The following TRPM7 variants were observed in gnomAD, a reference collection of about 807,000 sequenced individuals.
The protein encoded by TRPM7 is transient receptor potential cation channel subfamily M member 7.
In TRPM7, 134 loss-of-function variants were observed where a neutral mutation model predicts 229.7. The observed-to-expected ratio is 0.58, with a 90% CI of 0.51 to 0.67. The LOEUF (loss-of-function observed/expected upper bound fraction) is 0.67, where lower values mean the gene tolerates loss of function less well. Among genes scored for constraint, TRPM7 ranks in the 30% least tolerant of loss-of-function variants. TRPM7 has a pLI of 0.00. For synonymous variants in TRPM7, 699 were observed against 715.2 expected (o/e 0.98, Z 0.36); for missense variants, 1,901 against 2,210.0 (o/e 0.86, Z 2.80).
intron 2 of TRPM7, among the ~76,000 whole-genome samples, chr15:50,658,717 T>C (rs1377983421): frequency 6.6e-6 from 1 of 152,236 alleles, no homozygotes; most frequent in African/African-American, 2.4e-5. Flanking sequence ...ACACACTAAT[T>C]CCAGTTCTAA....
intron 1 of TRPM7, among the ~76,000 whole-genome samples, chr15:50,679,457 T>C (rs2062178801): frequency 7.3e-6 from 1 of 137,568 alleles, no homozygotes; most frequent in South Asian, 2.1e-4. Flanking sequence ...GATAGGTTTC[T>C]ACAGGTTTTA....
intron 13 of TRPM7, among the ~76,000 whole-genome samples, chr15:50,619,225 T>TC (rs202084853): frequency 0.016 from 2,059 of 124,920 alleles, 44 homozygotes; most frequent in African/African-American, 0.053. Flanking sequence ...TTTTTTTTCT[T>TC]TTTTTTTTTT....
chr15:50,640,446 T>C (rs1489597985), intron 5 of TRPM7, among the ~76,000 whole-genome samples: 1 of 146,100 alleles, frequency 6.8e-6, no homozygotes, highest in South Asian at 2.2e-4. Context: ...CGGGGTAATT[T>C]TTTTTTCTTT....
rs569546441 is a variant in TRPM7 at position 50,683,712 on chromosome 15, T to C, written c.3+2819A>G. On this transcript the variant is annotated intron_variant, in intron 1 of 38. Coordinates refer to ENST00000646667, the MANE Select transcript of TRPM7 (RefSeq NM_017672.6). The stretch of plus-strand genomic sequence containing the variant: ...CCAGCCTGGGTGACAAGAGCAAGAC[T>C]CTGTTCCAAAAAAAACAAAATAAAA... Among the ~76,000 whole-genome samples the C allele has an allele frequency of 2.0e-5, 3 of 151,848 alleles. No individual in the cohort carries two copies. In the East Asian group the frequency reaches 5.8e-4, roughly 29 times the overall value.
intron 25 of TRPM7, among the ~76,000 whole-genome samples, chr15:50,593,256 T>C (rs2059550808): frequency 6.6e-6 from 1 of 151,804 alleles, no homozygotes; most frequent in East Asian, 1.9e-4. Flanking sequence ...GCCACTGTAC[T>C]CCAGCCGGGG....
At chr15:50,583,626 G>C (rs1436472693) in intron 28 of TRPM7, among the ~76,000 whole-genome samples, 1 of 150,196 alleles carries the variant, frequency 6.7e-6, no homozygotes, top group Non-Finnish European at 1.5e-5. Context: ...GCCCAGGCTG[G>C]AGAGCAGTGG....
At chr15:50,602,655 C>T (rs2059811605) in intron 21 of TRPM7, among the ~76,000 whole-genome samples, 1 of 152,118 alleles carries the variant, frequency 6.6e-6, no homozygotes, top group Non-Finnish European at 1.5e-5. Flanking sequence ...TTGAGTTCCA[C>T]GAAGATCTGG....
chr15:50,659,066 C>T (rs2061660637), intron 2 of TRPM7, among the ~76,000 whole-genome samples: 1 of 151,976 alleles, frequency 6.6e-6, no homozygotes, highest in East Asian at 1.9e-4. Context: ...GATGTGGTGG[C>T]ACACGCCTGT....
chr15:50,589,612 T>C lies in TRPM7; in HGVS notation c.4369A>G (p.Asn1457Asp). Residue 1457 changes from asparagine (N) to aspartate (D), a missense_variant, in exon 27 of 39, where the codon AAC becomes GAC. Coordinates refer to ENST00000646667, the MANE Select transcript of TRPM7 (RefSeq NM_017672.6). ...CTTACGGATAGTATTTTTATCTTGT[T>C]TGATGTTTCTTTAAACCTCTGTAAA... Reference protein sequence around the residue: ...MDLQRFKETSNKIKILSNNNT... With the variant: ...MDLQRFKETSDKIKILSNNNT... The C allele has an allele frequency of 1.3e-6, 2 of 1,589,984 alleles. No individual in the cohort carries two copies. Among genetic ancestry groups the C allele is most frequent in the South Asian group, 1.1e-5 (1 of 88,970 alleles).
At chr15:50,675,684 CTT>C (rs2062077741) in intron 1 of TRPM7, among the ~76,000 whole-genome samples, 1 of 152,204 alleles carries the variant, frequency 6.6e-6, no homozygotes, top group Non-Finnish European at 1.5e-5. Context: ...GTTTTATACA[CTT>C]TGCTTTTTAA....
In TRPM7 at chr15:50,629,412, A is replaced by G. The variant is rs758412645; in HGVS notation, c.1205-1163T>C. Among the ~76,000 whole-genome samples the G allele has an allele frequency of 4.0e-5, 6 of 149,380 alleles. No homozygotes were observed. In the Admixed American group the frequency reaches 4.0e-4, roughly 10 times the overall value. On this transcript the variant is annotated intron_variant, in intron 10 of 38. Coordinates refer to ENST00000646667, the MANE Select transcript of TRPM7 (RefSeq NM_017672.6). ...CTCAGCCTCTCAAGTAGCTGGGACCACTGGTGTATGGCACCACACCAGGCT... is the reference window on the plus strand; with the variant it reads ...CTCAGCCTCTCAAGTAGCTGGGACCGCTGGTGTATGGCACCACACCAGGCT...
intron 7 of TRPM7, among the ~76,000 whole-genome samples, chr15:50,635,729 C>A (rs1317891018): frequency 1.4e-5 from 2 of 140,150 alleles, no homozygotes; most frequent in Admixed American, 7.4e-5. Flanking sequence ...CCTGTAATTG[C>A]AGTACTTCAG....
chr15:50,579,847 G>T (rs1004219827), intron 30 of TRPM7, among the ~76,000 whole-genome samples: 2 of 152,144 alleles, frequency 1.3e-5, no homozygotes, highest in African/African-American at 4.8e-5. Flanking sequence ...CCAGGCTGGA[G>T]TGAAGTGGTG....
At chr15:50,593,780 G>T in intron 24 of TRPM7, 31 bp from the exon 25 acceptor site, 1 of 1,581,254 alleles carries the variant, frequency 6.3e-7, no homozygotes. Flanking sequence ...GAAAATCAAG[G>T]AAGAGCTATC....
At chr15:50,634,997 T>A (rs948622958) in intron 7 of TRPM7, among the ~76,000 whole-genome samples, 1 of 152,044 alleles carries the variant, frequency 6.6e-6, no homozygotes, top group Admixed American at 6.6e-5. Flanking sequence ...TATTTCTGAT[T>A]CCAAATGAGA....
rs200411051 is a variant in TRPM7, at chr15:50,591,894, G to A, written c.4324+17C>T. 9.6e-5 allele frequency: 145 copies of A among 1,506,106 alleles called. No individual in the cohort carries two copies. Among genetic ancestry groups the A allele is most frequent in the African/African-American group, 2.8e-5 (2 of 71,352 alleles). The allele number at this position is 1,506,106 out of a possible 1,614,324, so 93.3% of individuals were successfully genotyped here. On this transcript the variant is annotated intron_variant, in intron 26 of 38. Coordinates refer to ENST00000646667, the MANE Select transcript of TRPM7 (RefSeq NM_017672.6). ...GTAAATAATATTGATATACAAATAC[G>A]AATTTGCCAAACTTACCTACAAATG... is the stretch of plus-strand genomic sequence containing the variant.
At chr15:50,647,259 T>C (rs1241439616) in intron 4 of TRPM7, among the ~76,000 whole-genome samples, 1 of 152,146 alleles carries the variant, frequency 6.6e-6, no homozygotes, top group East Asian at 1.9e-4. Context: ...GCCTCCCAAG[T>C]AGCTGGGACT....
chr15:50,589,515 TTTAA>T lies in TRPM7; in HGVS notation c.4389+73_4389+76del, dbSNP rs1324796358. The T allele has an allele frequency of 1.5e-5, 16 of 1,038,108 alleles. No homozygotes were observed. The Admixed American group carries it at 2.5e-4, about 17-fold the overall frequency. 64.3% of individuals were successfully genotyped at this position (1,038,108 alleles called of 1,614,324 possible). On this transcript the variant is annotated intron_variant, in intron 27 of 38. Coordinates refer to ENST00000646667, the MANE Select transcript of TRPM7 (RefSeq NM_017672.6). Reference sequence around the variant, plus strand: ...AAACTGTATTTTTGCTGAAAAAATGTTTAATTAAATTTTGAACTAAACATCAAGA... The same window carrying T: ...AAACTGTATTTTTGCTGAAAAAATGTTTAAATTTTGAACTAAACATCAAGA...
intron 2 of TRPM7, among the ~76,000 whole-genome samples, chr15:50,660,229 T>A (rs2061689950): frequency 6.6e-6 from 1 of 152,184 alleles, no homozygotes; most frequent in South Asian, 2.1e-4. Flanking sequence ...AGGTTATCTA[T>A]TTTAATGATC....
Sources: gnomAD v4.1 joint callset for allele counts (sites outside exome capture counted in the v4.1 genomes callset) on GRCh38, gnomAD v4.1.1 for gene constraint, MANE v1.5 for transcripts, NCBI Gene and HGNC (gene_info 2026-07-23, HGNC 2026-07-21) for gene names.